FBXW7: variants seen among roughly 807,000 people sequenced by gnomAD.
FBXW7 encodes the protein F-box and WD repeat domain containing 7, also known as F-box/WD repeat-containing protein 7.
Under a neutral mutation model 86.3 loss-of-function variants are expected in FBXW7, and 11 were observed. The ratio of observed to expected loss-of-function variants is 0.13; its 90% CI spans 0.08 to 0.21. The LOEUF (loss-of-function observed/expected upper bound fraction) is 0.21, where lower values mean the gene tolerates loss of function less well. FBXW7 is among the 10% of genes least tolerant of loss of function. The probability of loss-of-function intolerance (pLI) is 1.00; values close to 1 mark genes in which losing one functional copy is unlikely to be tolerated. For synonymous variants in FBXW7, 313 were observed against 297.9 expected (o/e 1.05, Z -0.52); for missense variants, 488 against 847.4 (o/e 0.58, Z 5.27).
At chr4:152,435,953 C>T (rs1052821888) in intron 2 of FBXW7, among the ~76,000 whole-genome samples, 2 of 152,014 alleles carry the variant, frequency 1.3e-5, no homozygotes, top group Non-Finnish European at 2.9e-5. Flanking sequence ...TGCCACAAAC[C>T]GCACCCATGG....
At chr4:152,402,237 C>T (rs1737004237) in intron 4 of FBXW7, among the ~76,000 whole-genome samples, 1 of 152,082 alleles carries the variant, frequency 6.6e-6, no homozygotes, top group African/African-American at 2.4e-5. Flanking sequence ...TGGTCAATGA[C>T]TGACAAGTAT....
At chr4:152,464,774 C>G (rs137990775) in intron 2 of FBXW7, among the ~76,000 whole-genome samples, 3 of 152,160 alleles carry the variant, frequency 2.0e-5, no homozygotes, top group African/African-American at 7.2e-5. Context: ...GTCAAGACGT[C>G]TATGTATGTG....
chr4:152,394,354 C>T (rs554527266), intron 4 of FBXW7, among the ~76,000 whole-genome samples: 154 of 152,242 alleles, frequency 1.0e-3, no homozygotes, highest in Non-Finnish European at 1.7e-3. Context: ...TGAACATTTT[C>T]ATATGAGTAC....
At chr4:152,468,274 C>A (rs978574909) in intron 2 of FBXW7, among the ~76,000 whole-genome samples, 3 of 151,224 alleles carry the variant, frequency 2.0e-5, no homozygotes, top group Non-Finnish European at 4.4e-5. Context: ...CAATCCCACC[C>A]CATCCATATA....
chr4:152,463,838 T>C (rs1579273906), intron 2 of FBXW7, among the ~76,000 whole-genome samples: 1 of 152,258 alleles, frequency 6.6e-6, no homozygotes, highest in South Asian at 2.1e-4. Context: ...AGAGCAAAGC[T>C]TCAACCCAAT....
chr4:152,475,006 G>A (rs1744268768), intron 2 of FBXW7, among the ~76,000 whole-genome samples: 1 of 152,058 alleles, frequency 6.6e-6, no homozygotes, highest in Non-Finnish European at 1.5e-5. Flanking sequence ...GGAGGCTGAA[G>A]TGGGAGAATC....
intron 6 of FBXW7, among the ~76,000 whole-genome samples, chr4:152,338,461 A>G (rs1730383528): frequency 6.6e-6 from 1 of 152,074 alleles, no homozygotes; most frequent in Non-Finnish European, 1.5e-5. Flanking sequence ...TTGATTTGTT[A>G]TGTGAAAACA....
In FBXW7 at chr4:152,535,565, G is replaced by A; in HGVS notation, c.-651C>T. 1 of 396,542 alleles carries A rather than the reference G, an allele frequency of 2.5e-6. No individual in the cohort carries two copies. The highest frequency in any genetic ancestry group is 4.4e-5 in the Admixed American group (1 of 22,652). The allele number at this position is 396,542 out of a possible 1,614,324, so 24.6% of individuals were successfully genotyped here. ...CTCCGGGGCAAGATGCTACGGCCCC[G>A]GGCGGGTGGCCGAGTCGGCGGCAAG... On this transcript the variant is annotated 5_prime_UTR_variant, in exon 1 of 14. Transcript: ENST00000281708.
At chr4:152,530,960 TG>T (rs1749975253) in intron 2 of FBXW7, 1 of 152,186 alleles carries the variant, frequency 6.6e-6, no homozygotes, top group Admixed American at 6.5e-5. Context: ...CTCTACACAA[TG>T]AGATGTCAGA....
At chr4:152,454,661 A>G (rs952696950) in intron 2 of FBXW7, among the ~76,000 whole-genome samples, 4 of 152,164 alleles carry the variant, frequency 2.6e-5, no homozygotes, top group African/African-American at 9.7e-5. Context: ...AAAAAAAACT[A>G]AACACTGACT....
intron 4 of FBXW7, among the ~76,000 whole-genome samples, chr4:152,357,325 CTT>C (rs398064144): frequency 1.4e-5 from 2 of 139,210 alleles, no homozygotes; most frequent in African/African-American, 2.7e-5. Context: ...GTAGTTTTTT[CTT>C]TTTTTTTTTT....
chr4:152,423,372 G>A (rs1293670471), intron 2 of FBXW7, among the ~76,000 whole-genome samples: 1 of 152,144 alleles, frequency 6.6e-6, no homozygotes, highest in East Asian at 1.9e-4. Flanking sequence ...TGAGCTAGTT[G>A]AGCTATTAGA....
At position 152,449,962 on chromosome 4, in the gene FBXW7, G is replaced by A. The variant is rs186635481; in HGVS notation, c.-119-37433C>T. ...AAGAGCACCCTTTTTGGGGAAGATA[G>A]TCTAAAACTAAATAATAAACACCTT... On this transcript the variant is annotated intron_variant, in intron 2 of 13. Transcript: ENST00000281708. 5.6e-3 allele frequency among the ~76,000 whole-genome samples: 857 copies of A among 152,274 alleles called. 5 individuals carry two copies. Among genetic ancestry groups the A allele is most frequent in the Non-Finnish European group, 9.5e-3 (643 of 68,014 alleles).
intron 2 of FBXW7, among the ~76,000 whole-genome samples, chr4:152,478,203 A>T (rs1232346939): frequency 2.0e-5 from 3 of 151,806 alleles, no homozygotes; most frequent in Admixed American, 2.0e-4. Flanking sequence ...CCAAATAGAA[A>T]CTCTATACTC....
intron 2 of FBXW7, among the ~76,000 whole-genome samples, chr4:152,459,906 G>A (rs1321920039): frequency 1.3e-5 from 2 of 152,162 alleles, no homozygotes; most frequent in African/African-American, 4.8e-5. Context: ...CTGTGGATAA[G>A]GGGGACTACT....
intron 4 of FBXW7, among the ~76,000 whole-genome samples, chr4:152,372,218 G>A (rs1325503175): frequency 1.3e-5 from 2 of 151,920 alleles, no homozygotes; most frequent in African/African-American, 4.8e-5. Flanking sequence ...ATATATGTAT[G>A]TTTTAAAGTA....
intron 2 of FBXW7, among the ~76,000 whole-genome samples, chr4:152,465,193 GAA>G (rs35606609): frequency 6.9e-6 from 1 of 144,488 alleles, no homozygotes; most frequent in Admixed American, 6.9e-5. Flanking sequence ...TACCTTCAAG[GAA>G]AAAAAAAAGT....
intron 2 of FBXW7, among the ~76,000 whole-genome samples, chr4:152,429,848 T>C (rs1187308993): frequency 6.6e-6 from 1 of 152,248 alleles, no homozygotes; most frequent in Non-Finnish European, 1.5e-5. Context: ...TGGAATCATC[T>C]TTACTAATGT....
At chr4:152,328,539 C>G (rs780609307) in intron 10 of FBXW7, 150 bp from the exon 11 acceptor site, 9 of 489,864 alleles carry the variant, frequency 1.8e-5, no homozygotes, top group Non-Finnish European at 3.2e-5. Context: ...ATGATCCCAT[C>G]ACTATTTATT....
Sources: allele counts gnomAD v4.1 joint callset (sites outside exome capture counted in the v4.1 genomes callset), GRCh38; gene constraint gnomAD v4.1.1; transcripts MANE v1.5; gene names NCBI Gene and HGNC (gene_info 2026-07-23, HGNC 2026-07-21).